PRDM15: variants seen among roughly 807,000 people sequenced by gnomAD.
PRDM15 encodes the protein PR domain zinc finger protein 15.
A neutral mutation model predicts 128.6 loss-of-function variants in PRDM15; 64 were observed. The observed-to-expected ratio is 0.50, with a 90% CI of 0.41 to 0.61. The LOEUF is 0.61. PRDM15 is among the 20% of genes least tolerant of loss of function. The pLI is 0.00. For missense variants in PRDM15, 1,242 were observed against 1,569.1 expected (o/e 0.79, Z 3.52); for synonymous variants, 615 against 621.8 (o/e 0.99, Z 0.16).
chr21:41,864,397 G>C (rs1460235236), intron 1 of PRDM15, among the ~76,000 whole-genome samples: 1 of 152,116 alleles, frequency 6.6e-6, no homozygotes, highest in South Asian at 2.1e-4. Flanking sequence ...TTTTAGGCTT[G>C]TCACCAAAAA....
At chr21:41,820,443 G>C (rs1023838891) in intron 16 of PRDM15, among the ~76,000 whole-genome samples, 1 of 152,200 alleles carries the variant, frequency 6.6e-6, no homozygotes, top group Non-Finnish European at 1.5e-5. Flanking sequence ...AGGCCATCAG[G>C]GTGGTCCCTG....
rs184009103 is a variant in PRDM15, at chr21:41,877,271, C to G, written c.-10+1999G>C. 6.4e-4 allele frequency: 97 copies of G among 152,642 alleles called. 1 individual carries two copies. The highest frequency in any genetic ancestry group is 4.9e-3 in the South Asian group (24 of 4,910). 9.5% of individuals were successfully genotyped at this position (152,642 alleles called of 1,614,324 possible). A position where few individuals can be genotyped will look rare whatever the true frequency, so the allele number is the denominator to read the frequency against. ...TCTTCATGCTCTTCCCATCGTCTTACCTGAGAGTTTTATGATTTTCTGTCT... is the reference window on the plus strand; with the variant it reads ...TCTTCATGCTCTTCCCATCGTCTTAGCTGAGAGTTTTATGATTTTCTGTCT... On this transcript the variant is annotated intron_variant, in intron 1 of 23. Transcript: ENST00000398548.
chr21:41,833,479 T>G (rs977737655), intron 11 of PRDM15, among the ~76,000 whole-genome samples: 1 of 152,164 alleles, frequency 6.6e-6, no homozygotes, highest in Non-Finnish European at 1.5e-5. Flanking sequence ...TCCCACATTC[T>G]TGGTTTAATT....
chr21:41,878,354 G>A (rs1409680890), intron 1 of PRDM15, among the ~76,000 whole-genome samples: 2 of 152,122 alleles, frequency 1.3e-5, no homozygotes, highest in Non-Finnish European at 2.9e-5. Context: ...AGCATTTGTG[G>A]GGGAAAAAAC....
intron 14 of PRDM15, 50 bp from the exon 15 acceptor site, chr21:41,822,087 A>C: frequency 1.2e-6 from 2 of 1,609,444 alleles, no homozygotes; most frequent in Non-Finnish European, 1.7e-6. Flanking sequence ...CAGACGCTTC[A>C]CTCAGTTATC....
chr21:41,840,228 T>C (rs1197451257), intron 6 of PRDM15, among the ~76,000 whole-genome samples: 1 of 151,994 alleles, frequency 6.6e-6, no homozygotes, highest in East Asian at 1.9e-4. Flanking sequence ...GTGGATCACA[T>C]GAGGTCAGGA....
intron 3 of PRDM15, among the ~76,000 whole-genome samples, chr21:41,858,561 A>T (rs2063712685): frequency 6.7e-6 from 1 of 149,144 alleles, no homozygotes; most frequent in Non-Finnish European, 1.5e-5. Context: ...GGCCTCTCCG[A>T]CAGAGGCGGA....
intron 11 of PRDM15, among the ~76,000 whole-genome samples, chr21:41,829,890 CCACA>C (rs1382979179): frequency 6.6e-6 from 1 of 151,152 alleles, no homozygotes; most frequent in African/African-American, 2.4e-5. Context: ...TCAACACACA[CCACA>C]CACAAATATA....
chr21:41,815,540 T>C (rs964002203), intron 19 of PRDM15, among the ~76,000 whole-genome samples, 165 bp downstream of exon 19: 7 of 152,190 alleles, frequency 4.6e-5, no homozygotes, highest in Non-Finnish European at 7.3e-5. Context: ...TTTTGAGATA[T>C]GCAGCTGCTC....
At chr21:41,851,369 G>T (rs967968591) in intron 5 of PRDM15, among the ~76,000 whole-genome samples, 1 of 152,212 alleles carries the variant, frequency 6.6e-6, no homozygotes, top group Non-Finnish European at 1.5e-5. Context: ...GCAGCGTTGG[G>T]CTCCAGTGCA....
chr21:41,870,649 A>G (rs1225411691), intron 1 of PRDM15: 1 of 152,248 alleles, frequency 6.6e-6, no homozygotes, highest in Non-Finnish European at 1.5e-5. Context: ...CAGGCACGGC[A>G]GAGGCCCCGA....
chr21:41,835,611 A>T, intron 10 of PRDM15, 87 bp from the exon 11 acceptor site: 1 of 1,042,270 alleles, frequency 9.6e-7, no homozygotes, highest in Non-Finnish European at 1.5e-6. Flanking sequence ...GGGCGACTCC[A>T]CGCCTGTGTC....
Position 41,799,661 on chromosome 21 carries a change from C to A in PRDM15, c.*1579G>T, listed in dbSNP as rs1009211398. On this transcript the variant is annotated 3_prime_UTR_variant, in exon 24 of 24. Transcript: ENST00000398548. The stretch of plus-strand genomic sequence containing the variant: ...TTGGAGTGAAGTGCTGAGAAAGTTG[C>A]GTTTTGAAAAACACAATCATCCTTT... 6.6e-6 allele frequency: 1 copy of A among 152,338 alleles called. No homozygotes were observed. The highest frequency in any genetic ancestry group is 1.9e-4 in the East Asian group (1 of 5,198). 9.4% of individuals were successfully genotyped at this position (152,338 alleles called of 1,614,324 possible).
In PRDM15 at chr21:41,836,271, C is replaced by G. The variant is rs902273702; in HGVS notation, c.1184-64G>C. 8.1e-6 allele frequency: 12 copies of G among 1,490,018 alleles called. No individual in the cohort carries two copies. In the South Asian group the frequency reaches 1.4e-4, roughly 17 times the overall value. 92.3% of individuals were successfully genotyped at this position (1,490,018 alleles called of 1,614,324 possible). A position where few individuals can be genotyped will look rare whatever the true frequency, so the allele number is the denominator to read the frequency against. On this transcript the variant is annotated intron_variant, in intron 9 of 23. Coordinates refer to ENST00000398548, the MANE Select transcript of PRDM15 (RefSeq NM_001040424.3). ...GAGCATTTACCGAGAGAAGCATGCC[C>G]ACCGGGGAAATGCCCCACAAGCCGC...
Position 41,830,357 on chromosome 21 carries a change from CACA to C in PRDM15, c.1367-2027_1367-2025del, listed in dbSNP as rs1335186689. On this transcript the variant is annotated intron_variant, in intron 11 of 23. Coordinates refer to ENST00000398548, the MANE Select transcript of PRDM15 (RefSeq NM_001040424.3). Reference sequence around the variant, plus strand: ...CACACAACCCACACACAAATACACACACAACATACAAACACATACGCTCAGCAC... The same window carrying C: ...CACACAACCCACACACAAATACACACACATACAAACACATACGCTCAGCAC... Among the ~76,000 whole-genome samples, 10 of 151,380 alleles carry C rather than the reference CACA, an allele frequency of 6.6e-5. No homozygotes were observed. The South Asian group carries it at 1.7e-3, about 25-fold the overall frequency.
chr21:41,862,587 AATAAG>A lies in PRDM15; in HGVS notation c.-9-2220_-9-2216del, dbSNP rs1392773233. Among the ~76,000 whole-genome samples, 1 of 152,164 alleles carries A rather than the reference AATAAG, an allele frequency of 6.6e-6. No individual in the cohort carries two copies. The highest frequency in any genetic ancestry group is 1.5e-5 in the Non-Finnish European group (1 of 68,022). On this transcript the variant is annotated intron_variant, in intron 1 of 23. Transcript: ENST00000398548. This position sits in a 1 kb window ranked among gnomAD's most constrained non-coding sequence, Gnocchi z 4.1. ...TCTATGTAAATGTCCGAGTCCTGGC[AATAAG>A]GGTCCCGATTAGCAGCATCTGGTCC...
intron 5 of PRDM15, among the ~76,000 whole-genome samples, chr21:41,851,508 G>C (rs577562998): frequency 1.3e-5 from 2 of 152,220 alleles, no homozygotes; most frequent in Admixed American, 1.3e-4. Context: ...AGGGAGGAGG[G>C]GCTCAGGGGA....
intron 1 of PRDM15, chr21:41,878,903 G>T: frequency 1.0e-6 from 1 of 953,588 alleles, no homozygotes; most frequent in Non-Finnish European, 1.2e-6. Context: ...CAGCCCCGCG[G>T]CCCCGCGCTG....
At chr21:41,848,201 T>A (rs1475717010) in intron 5 of PRDM15, among the ~76,000 whole-genome samples, 3 of 152,216 alleles carry the variant, frequency 2.0e-5, no homozygotes, top group African/African-American at 7.2e-5. Context: ...TACAACTGCA[T>A]ATGCATTCAG....
Sources: gnomAD v4.1 joint callset for allele counts (sites outside exome capture counted in the v4.1 genomes callset) on GRCh38, gnomAD v4.1.1 for gene constraint, Gnocchi (gnomAD v3.1) non-coding constraint, MANE v1.5 for transcripts, NCBI Gene and HGNC (gene_info 2026-07-23, HGNC 2026-07-21) for gene names.